Variants in NUP210 observed in about 807,000 individuals in gnomAD.
The protein encoded by NUP210 is nucleoporin 210, also known as nuclear pore membrane glycoprotein 210.
In NUP210, 151 loss-of-function variants were observed where a neutral mutation model predicts 196.0. The ratio of observed to expected loss-of-function variants is 0.77; its 90% CI spans 0.67 to 0.88. The LOEUF is 0.88. Among genes scored for constraint, NUP210 ranks in the 40% least tolerant of loss-of-function variants. The pLI is 0.00. For missense variants in NUP210, 2,314 were observed against 2,493.7 expected (o/e 0.93, Z 1.53); for synonymous variants, 1,070 against 1,052.7 (o/e 1.02, Z -0.32).
chr3:13,332,150 A>G (rs984522652), intron 29 of NUP210, 143 bp downstream of exon 29: 2 of 643,362 alleles, frequency 3.1e-6, no homozygotes, highest in African/African-American at 1.8e-5. Flanking sequence ...GAGAAGGAGC[A>G]GGCAGAGGCC....
chr3:13,415,478 C>A (rs1410714728), intron 1 of NUP210, among the ~76,000 whole-genome samples: 4 of 152,124 alleles, frequency 2.6e-5, no homozygotes, highest in African/African-American at 4.8e-5. Context: ...TAAGGCCAGG[C>A]ATAAGGAAGG....
intron 1 of NUP210, among the ~76,000 whole-genome samples, chr3:13,418,155 A>G (rs1248717786): frequency 6.6e-6 from 1 of 152,246 alleles, no homozygotes; most frequent in Non-Finnish European, 1.5e-5. Flanking sequence ...TAGGCCTTAG[A>G]CTGGGATACA....
In NUP210 at chr3:13,317,664, G is replaced by A. The variant is rs559439980; in HGVS notation, c.*17C>T. Reference sequence around the variant, plus strand: ...GAGGCTCGGCTGAGACCCATCCTCCGGGAACCTTCACGCGGCCTAGTGGGA... The same window carrying A: ...GAGGCTCGGCTGAGACCCATCCTCCAGGAACCTTCACGCGGCCTAGTGGGA... On this transcript the variant is annotated 3_prime_UTR_variant, in exon 40 of 40. Transcript: ENST00000254508. 1.0e-4 allele frequency: 162 copies of A among 1,574,520 alleles called. No homozygotes were observed. Among genetic ancestry groups the A allele is most frequent in the South Asian group, 9.9e-4 (86 of 87,288 alleles).
chr3:13,407,147 C>G (rs1700030240), intron 1 of NUP210, among the ~76,000 whole-genome samples: 1 of 152,200 alleles, frequency 6.6e-6, no homozygotes, highest in African/African-American at 2.4e-5. Context: ...ATATATCAAG[C>G]TCTTCTCACA....
chr3:13,358,990 C>T (rs1698280748), intron 15 of NUP210, among the ~76,000 whole-genome samples: 1 of 152,178 alleles, frequency 6.6e-6, no homozygotes, highest in Admixed American at 6.5e-5. Flanking sequence ...GCTGGGACCT[C>T]AGAAGTCATA....
intron 14 of NUP210, among the ~76,000 whole-genome samples, chr3:13,365,153 G>A (rs938334575): frequency 1.3e-5 from 2 of 152,156 alleles, no homozygotes; most frequent in Non-Finnish European, 2.9e-5. Context: ...GGCAGCCCTC[G>A]CACGGAGCCT....
chr3:13,392,642 C>T (rs890801354), intron 3 of NUP210, among the ~76,000 whole-genome samples: 1 of 152,204 alleles, frequency 6.6e-6, no homozygotes, highest in African/African-American at 2.4e-5. Flanking sequence ...AGACCCTTCC[C>T]GCATACCCCA....
chr3:13,388,478 G>A (rs907072345), intron 4 of NUP210, 25 bp from the exon 5 acceptor site: 3 of 1,580,946 alleles, frequency 1.9e-6, no homozygotes, highest in Admixed American at 1.8e-5. Flanking sequence ...CGTTGTCAAA[G>A]TTTGTTGATC....
chr3:13,325,731 CAGA>C (rs1696722524), intron 33 of NUP210, 61 bp downstream of exon 33: 3 of 1,582,590 alleles, frequency 1.9e-6, no homozygotes, highest in Non-Finnish European at 1.7e-6. Context: ...ATAATCCTCC[CAGA>C]AGGTCAGGCC....
intron 1 of NUP210, among the ~76,000 whole-genome samples, chr3:13,418,749 T>C (rs1457077402): frequency 6.6e-6 from 1 of 151,092 alleles, no homozygotes; most frequent in Non-Finnish European, 1.5e-5. Flanking sequence ...GATCGCGCCA[T>C]TGCACTCCAG....
intron 8 of NUP210, among the ~76,000 whole-genome samples, chr3:13,378,161 C>G (rs1698982245): frequency 6.6e-6 from 1 of 152,128 alleles, no homozygotes; most frequent in Non-Finnish European, 1.5e-5. Flanking sequence ...ACACAGCAGG[C>G]CTACGCTCTG....
chr3:13,349,341 T>G (rs1280804052), intron 20 of NUP210, among the ~76,000 whole-genome samples: 2 of 152,180 alleles, frequency 1.3e-5, no homozygotes, highest in Non-Finnish European at 2.9e-5. Context: ...TTTCTTACCA[T>G]GCCCCCAGCT....
intron 13 of NUP210, among the ~76,000 whole-genome samples, chr3:13,367,093 T>C (rs551042965): frequency 2.6e-5 from 4 of 151,254 alleles, no homozygotes; most frequent in Non-Finnish European, 4.4e-5. Flanking sequence ...ACCATTGCAC[T>C]CCAGCCTGGG....
chr3:13,346,838 T>A (rs543147972), intron 20 of NUP210, among the ~76,000 whole-genome samples: 28 of 152,302 alleles, frequency 1.8e-4, no homozygotes, highest in African/African-American at 6.7e-4. Flanking sequence ...TGCCCCTGAT[T>A]ACCCGCCCTC....
Position 13,375,525 on chromosome 3 carries a change from G to A in NUP210, c.1410C>T (p.Gly470=), listed in dbSNP as rs769343940. Residue 470 remains glycine (G), a synonymous_variant, in exon 11 of 40, where the codon GGC becomes GGT. Transcript: ENST00000254508. ...ILTFPWQPKT[G]AYQYTIRAHG... ...GTACCCTTATTGTGTACTGATAGGC[G>A]CCCGTCTTTGGTTGCCACGGAAATG... The A allele has an allele frequency of 4.3e-6, 7 of 1,614,098 alleles. No individual in the cohort carries two copies. The highest frequency in any genetic ancestry group is 4.5e-5 in the East Asian group (2 of 44,886).
Position 13,350,309 on chromosome 3 carries a change from C to T in NUP210, c.2835+1570G>A, listed in dbSNP as rs1015194001. Among the ~76,000 whole-genome samples, 33 of 151,840 alleles carry T rather than the reference C, an allele frequency of 2.2e-4. No individual in the cohort carries two copies. The highest frequency in any genetic ancestry group is 3.4e-4 in the Non-Finnish European group (23 of 67,992). On this transcript the variant is annotated intron_variant, in intron 20 of 39. Transcript: ENST00000254508. This position sits in a 1 kb window ranked among gnomAD's most constrained non-coding sequence, Gnocchi z 4.1. ...TTGTGTCTTCAGCAAAATAACAAGG[C>T]CAGTCACTAAAGAAGTAAACAAGCA...
Position 13,332,317 on chromosome 3 carries a change from G to C in NUP210, c.3911C>G (p.Ser1304Ter). ...CCTGTTTGTCTGCAGCTTTATATAT[G>C]AGTTGGGCGACATTAATATTTGTTC... ...EAEQILMSPN[S>*]YIKLQTNRDG... Residue 1304 changes from serine to a stop codon, truncating the protein, a stop_gained, in exon 29 of 40, where the codon TCA (serine) becomes TGA (stop). Coordinates refer to ENST00000254508, the MANE Select transcript of NUP210 (RefSeq NM_024923.4). LOFTEE classifies it high-confidence loss of function. 1.2e-6 allele frequency: 2 copies of C among 1,613,792 alleles called. No homozygotes were observed. The highest frequency in any genetic ancestry group is 1.7e-6 in the Non-Finnish European group (2 of 1,179,738).
At position 13,379,707 on chromosome 3, in the gene NUP210, A is replaced by T. The variant is rs1481381082; in HGVS notation, c.832T>A (p.Ser278Thr). ...QGKITELSMP[S>T]DQYELQLQNS... is the part of the protein sequence containing the mutation. The stretch of plus-strand genomic sequence containing the variant: ...TGAAGCTGCAACTCGTACTGATCGG[A>T]AGGCATGGAGAGTTCTGGCCACCAA... The change falls in exon 7 of 40, where the codon TCC (serine) becomes ACC (threonine). Residue 278 changes from serine (S) to threonine (T), a missense_variant. Physicochemically the swap from Ser to Thr is moderately conservative, Grantham distance 58 (BLOSUM62 1). Coordinates refer to ENST00000254508, the MANE Select transcript of NUP210 (RefSeq NM_024923.4). This position sits in a 1 kb window ranked among gnomAD's most constrained non-coding sequence, Gnocchi z 4.2. 6.3e-7 allele frequency: 1 copy of T among 1,599,530 alleles called. No individual in the cohort carries two copies. The highest frequency in any genetic ancestry group is 8.5e-7 in the Non-Finnish European group (1 of 1,172,250).
chr3:13,418,948 CAAAAAAAAA>C (rs112826426), intron 1 of NUP210, among the ~76,000 whole-genome samples: 2 of 52,496 alleles, frequency 3.8e-5, no homozygotes, highest in Non-Finnish European at 8.7e-5. Flanking sequence ...AACTCCGTCT[CAAAAAAAAA>C]AAAAAAAAAA....
Sources: gnomAD v4.1 joint callset for allele counts (sites outside exome capture counted in the v4.1 genomes callset) on GRCh38, gnomAD v4.1.1 for gene constraint, Gnocchi (gnomAD v3.1) non-coding constraint, MANE v1.5 for transcripts, NCBI Gene and HGNC (gene_info 2026-07-23, HGNC 2026-07-21) for gene names.